Variants in DPEP1 observed in about 807,000 individuals in gnomAD.
DPEP1 encodes the protein beta-lactamase.
DPEP1 carries 50 observed loss-of-function variants against 42.3 expected under a neutral mutation model. That is an observed-to-expected ratio of 1.18 (90% CI 0.94 to 1.50). The LOEUF (loss-of-function observed/expected upper bound fraction) is 1.50. Among genes scored for constraint, DPEP1 ranks in the 40% most tolerant of loss-of-function variants. DPEP1 has a pLI of 0.00. For missense variants in DPEP1, 663 were observed against 553.0 expected, an observed-to-expected ratio of 1.20 and a Z score of -1.99; for synonymous variants, 297 against 234.0, an observed-to-expected ratio of 1.27 and a Z score of -2.46.
intron 2 of DPEP1, among the ~76,000 whole-genome samples, chr16:89,632,194 C>T (rs552576767): frequency 7.9e-5 from 12 of 152,228 alleles, no homozygotes; most frequent in East Asian, 3.9e-4. Context: ...GGATTACAGG[C>T]GCCCGCCACC....
At position 89,621,468 on chromosome 16, in the gene DPEP1, C is replaced by A. The variant is rs75556236; in HGVS notation, c.-107+7749C>A. Reference sequence around the variant, plus strand: ...GTGCAGACATCAGCCTGGTCAGGAGCCAGAAGAGAGAGTCCGGGGCTGCTG... The same window carrying A: ...GTGCAGACATCAGCCTGGTCAGGAGACAGAAGAGAGAGTCCGGGGCTGCTG... On this transcript the variant is annotated intron_variant, in intron 1 of 10. Coordinates refer to ENST00000690203, the MANE Select transcript of DPEP1 (RefSeq NM_001389466.1). Among the ~76,000 whole-genome samples, 3,565 of 152,238 alleles carry A rather than the reference C, an allele frequency of 0.023. 601 individuals carry two copies. In the East Asian group the frequency reaches 0.47, roughly 20 times the overall value.
chr16:89,614,764 C>A (rs2059365904), intron 1 of DPEP1, among the ~76,000 whole-genome samples: 1 of 152,176 alleles, frequency 6.6e-6, no homozygotes, highest in Middle Eastern at 3.2e-3. Context: ...CACTGCACTC[C>A]AGCCTGAGTG....
Position 89,637,196 on chromosome 16 carries a change from C to A in DPEP1, c.592-8C>A. ...GCTGTGAGGGTGGACGGAGCCCTGT[C>A]TTCCCAGCGTGTGGTGAAGGAGCTG... is the stretch of plus-strand genomic sequence containing the variant. On this transcript the variant is annotated splice_polypyrimidine_tract_variant and splice_region_variant and intron_variant, in intron 6 of 10. Coordinates refer to ENST00000690203, the MANE Select transcript of DPEP1 (RefSeq NM_001389466.1). The A allele has an allele frequency of 1.9e-6, 3 of 1,610,518 alleles. No individual in the cohort carries two copies. The highest frequency in any genetic ancestry group is 2.5e-6 in the Non-Finnish European group (3 of 1,178,556).
rs755129528 is a variant in DPEP1 at position 89,630,452 on chromosome 16, C to T, written c.42C>T (p.Cys14=). ...GGCTGTGGCCCCTTGTGGCCGTCTG[C>T]ACTGCAGACTTCTTTCGGGACGAGG... is the stretch of plus-strand genomic sequence containing the variant. ...GWWLWPLVAV[C]TADFFRDEAE... is the part of the protein sequence containing the mutation. The change falls in exon 2 of 11, where the codon TGC becomes TGT. Residue 14 remains cysteine (C), a synonymous_variant. Coordinates refer to ENST00000690203, the MANE Select transcript of DPEP1 (RefSeq NM_001389466.1). The T allele has an allele frequency of 4.3e-6, 7 of 1,611,534 alleles. No homozygotes were observed. The highest frequency in any genetic ancestry group is 2.2e-5 in the East Asian group (1 of 44,788).
intron 1 of DPEP1, among the ~76,000 whole-genome samples, chr16:89,627,730 G>A (rs1396409723): frequency 5.9e-5 from 8 of 134,952 alleles, no homozygotes; most frequent in Admixed American, 1.7e-4. Flanking sequence ...TTGCAATCTC[G>A]GCTCACTGCA....
chr16:89,617,252 A>G (rs2059387461), intron 1 of DPEP1, among the ~76,000 whole-genome samples: 2 of 152,234 alleles, frequency 1.3e-5, no homozygotes, highest in South Asian at 4.1e-4. Context: ...TGCCCTGAGG[A>G]CACTGCATGA....
intron 2 of DPEP1, among the ~76,000 whole-genome samples, chr16:89,635,602 C>A (rs1597771403): frequency 6.6e-6 from 1 of 152,230 alleles, no homozygotes; most frequent in Middle Eastern, 3.2e-3. Context: ...TGTGTCCCAC[C>A]CTCAGACAAT....
In DPEP1 at chr16:89,629,088, A is replaced by C. The variant is rs565182861; in HGVS notation, c.-106-1217A>C. Among the ~76,000 whole-genome samples the C allele has an allele frequency of 6.6e-5, 10 of 152,174 alleles. No homozygotes were observed. In the South Asian group the frequency reaches 1.9e-3, roughly 28 times the overall value. ...GTGATCCATCCGCTTCGGCCTCCCA[A>C]AGTGCTGGGATTATAGGCGTGAATG... On this transcript the variant is annotated intron_variant, in intron 1 of 10. Coordinates refer to ENST00000690203, the MANE Select transcript of DPEP1 (RefSeq NM_001389466.1).
rs761166973 is a variant in DPEP1, at chr16:89,638,172, C to T, written c.1186C>T (p.Leu396Phe). ...GASSLHRHWG[L>F]LLASLAPLVL... ...TTCCAGCCTCCATCGCCACTGGGGGCTCCTGCTGGCCTCCCTCGCTCCCCT... is the reference window on the plus strand; with the variant it reads ...TTCCAGCCTCCATCGCCACTGGGGGTTCCTGCTGGCCTCCCTCGCTCCCCT... Residue 396 changes from leucine (L) to phenylalanine (F), a missense_variant, in exon 11 of 11, where the codon CTC becomes TTC. Leu to Phe is a conservative substitution (Grantham distance 22, BLOSUM62 0). Coordinates refer to ENST00000690203, the MANE Select transcript of DPEP1 (RefSeq NM_001389466.1). 21 of 1,603,916 alleles carry T rather than the reference C, an allele frequency of 1.3e-5. No individual in the cohort carries two copies. The highest frequency in any genetic ancestry group is 1.7e-5 in the Non-Finnish European group (20 of 1,174,054).
Position 89,638,304 on chromosome 16 carries a change from C to G in DPEP1, c.*82C>G. ...ATCCCAGGACTCCAGATGCCAGGAG[C>G]CCTGCTGCCCACATGCAAGGACCAG... On this transcript the variant is annotated 3_prime_UTR_variant, in exon 11 of 11. Transcript: ENST00000690203. 1 of 1,455,072 alleles carries G rather than the reference C, an allele frequency of 6.9e-7. No individual in the cohort carries two copies. Among genetic ancestry groups the G allele is most frequent in the Non-Finnish European group, 9.0e-7 (1 of 1,106,010 alleles). 90.1% of individuals were successfully genotyped at this position (1,455,072 alleles called of 1,614,324 possible). A position where few individuals can be genotyped will look rare whatever the true frequency, so the allele number is the denominator to read the frequency against.
intron 1 of DPEP1, among the ~76,000 whole-genome samples, chr16:89,617,272 G>A (rs1270999238): frequency 6.6e-6 from 1 of 152,146 alleles, no homozygotes; most frequent in African/African-American, 2.4e-5. Context: ...AAGACTCACG[G>A]CTGAGCTGGG....
Position 89,636,927 on chromosome 16 carries a change from T to A in DPEP1, c.583T>A (p.Phe195Ile). Reference protein sequence around the residue: ...SEPQSQGLSPFGQRVVKELNR... With the variant: ...SEPQSQGLSPIGQRVVKELNR... ...GCCCCAGAGCCAAGGCTTGTCACCCTTTGGGCAGGTGAGTGGGGTGGGAGC... is the reference window on the plus strand; with the variant it reads ...GCCCCAGAGCCAAGGCTTGTCACCCATTGGGCAGGTGAGTGGGGTGGGAGC... The change falls in exon 6 of 11, where the codon TTT (phenylalanine) becomes ATT (isoleucine). Residue 195 changes from phenylalanine (F) to isoleucine (I), a missense_variant. Coordinates refer to ENST00000690203, the MANE Select transcript of DPEP1 (RefSeq NM_001389466.1). 6.2e-7 allele frequency: 1 copy of A among 1,612,378 alleles called. No individual in the cohort carries two copies. The highest frequency in any genetic ancestry group is 8.5e-7 in the Non-Finnish European group (1 of 1,179,904).
chr16:89,614,666 G>T (rs1368251671), intron 1 of DPEP1, among the ~76,000 whole-genome samples: 1 of 152,178 alleles, frequency 6.6e-6, no homozygotes, highest in Non-Finnish European at 1.5e-5. Flanking sequence ...GTGGTGGCGG[G>T]CGCCTGTAGT....
Position 89,636,890 on chromosome 16 carries a change from G to A in DPEP1, c.546G>A (p.Thr182=), listed in dbSNP as rs770047218. 1.1e-5 allele frequency: 18 copies of A among 1,612,444 alleles called. No homozygotes were observed. The East Asian group carries it at 1.6e-4, about 14-fold the overall frequency. The change falls in exon 6 of 11, where the codon ACG becomes ACA. Residue 182 remains threonine, a synonymous_variant. Transcript: ENST00000690203. ...GGGCTGACAACTGGCTGGTGGACACGGGAGACAGCGAGCCCCAGAGCCAAG... is the reference window on the plus strand; with the variant it reads ...GGGCTGACAACTGGCTGGTGGACACAGGAGACAGCGAGCCCCAGAGCCAAG... The part of the protein sequence containing the change: ...TPWADNWLVD[T]GDSEPQSQGL...
intron 1 of DPEP1, among the ~76,000 whole-genome samples, chr16:89,616,581 C>G (rs1308419497): frequency 6.6e-6 from 1 of 152,204 alleles, no homozygotes. Context: ...GCTTCTGGTT[C>G]TGGCACTGGG....
chr16:89,620,027 C>G (rs79823772), intron 1 of DPEP1, among the ~76,000 whole-genome samples: 1,550 of 148,590 alleles, frequency 0.01, 24 homozygotes, highest in African/African-American at 0.037. Context: ...AGTATGCCCC[C>G]CTCCCGCCGC....
At chr16:89,626,898 A>G (rs1180680273) in intron 1 of DPEP1, among the ~76,000 whole-genome samples, 9 of 151,820 alleles carry the variant, frequency 5.9e-5, no homozygotes, top group Non-Finnish European at 1.0e-4. Flanking sequence ...CGGGTGGATC[A>G]CTTGGGGTCA....
chr16:89,616,233 A>C (rs934929209), intron 1 of DPEP1, among the ~76,000 whole-genome samples: 2 of 152,126 alleles, frequency 1.3e-5, no homozygotes, highest in Non-Finnish European at 2.9e-5. Flanking sequence ...AGAAACAGAC[A>C]AGCCCACACA....
intron 1 of DPEP1, among the ~76,000 whole-genome samples, chr16:89,622,792 A>G (rs959329818): frequency 1.3e-5 from 2 of 151,908 alleles, no homozygotes; most frequent in African/African-American, 4.8e-5. Flanking sequence ...TCAAAAAAAA[A>G]AAAAACACAC....
Sources: allele counts gnomAD v4.1 joint callset (sites outside exome capture counted in the v4.1 genomes callset), GRCh38; gene constraint gnomAD v4.1.1; transcripts MANE v1.5; gene names NCBI Gene and HGNC (gene_info 2026-07-23, HGNC 2026-07-21).